The following ARHGAP42 variants were observed in gnomAD, a reference collection of about 807,000 sequenced individuals.
ARHGAP42 encodes the protein rho GTPase-activating protein 42.
A neutral mutation model predicts 125.0 loss-of-function variants in ARHGAP42; 63 were observed. The observed-to-expected ratio is 0.50, with a 90% CI of 0.41 to 0.62. The LOEUF (loss-of-function observed/expected upper bound fraction) is 0.62, where lower values mean the gene tolerates loss of function less well. ARHGAP42 is among the 20% of genes least tolerant of loss of function. ARHGAP42 has a pLI of 0.00. For missense variants in ARHGAP42, 766 were observed against 1,024.2 expected (o/e 0.75, Z 3.44); for synonymous variants, 339 against 351.0 (o/e 0.97, Z 0.38).
At chr11:100,729,371 A>G (rs1014248397) in intron 1 of ARHGAP42, among the ~76,000 whole-genome samples, 2 of 152,076 alleles carry the variant, frequency 1.3e-5, no homozygotes, top group African/African-American at 2.4e-5. Context: ...AAACCTGTAG[A>G]TCACAAAGTT....
At chr11:100,886,059 C>A (rs1160972756) in intron 4 of ARHGAP42, among the ~76,000 whole-genome samples, 1 of 152,126 alleles carries the variant, frequency 6.6e-6, no homozygotes, top group Non-Finnish European at 1.5e-5. Flanking sequence ...CCCTGAGAAG[C>A]CTATGGTCTA....
At chr11:100,901,976 C>T (rs1780337838) in intron 4 of ARHGAP42, among the ~76,000 whole-genome samples, 1 of 152,202 alleles carries the variant, frequency 6.6e-6, no homozygotes, top group African/African-American at 2.4e-5. Context: ...CAGAAATCAC[C>T]CATCTTCTGC....
In ARHGAP42 at chr11:100,991,584, G is replaced by A. The variant is rs1304546314; in HGVS notation, c.*2783G>A. On this transcript the variant is annotated 3_prime_UTR_variant, in exon 24 of 24. Coordinates refer to ENST00000298815, the MANE Select transcript of ARHGAP42 (RefSeq NM_152432.4). ...ATATCCCTCAGTACAAAACATTTGT[G>A]TGTTTCACAGATGACTCTCTTGTTT... 6.6e-6 allele frequency: 1 copy of A among 152,154 alleles called. No individual in the cohort carries two copies. The highest frequency in any genetic ancestry group is 1.5e-5 in the Non-Finnish European group (1 of 68,016). 9.4% of individuals were successfully genotyped at this position (152,154 alleles called of 1,614,324 possible).
At chr11:100,812,426 G>T (rs1864168415) in intron 3 of ARHGAP42, among the ~76,000 whole-genome samples, 1 of 152,188 alleles carries the variant, frequency 6.6e-6, no homozygotes, top group Non-Finnish European at 1.5e-5. Context: ...AAGAGCTTCT[G>T]CCTTCCAGTT....
At chr11:100,941,408 G>C (rs1388011599) in intron 8 of ARHGAP42, among the ~76,000 whole-genome samples, 3 of 152,196 alleles carry the variant, frequency 2.0e-5, no homozygotes, top group African/African-American at 4.8e-5. Flanking sequence ...ATTTCTGACA[G>C]TTATGAGAGT....
chr11:100,819,015 C>A (rs1361757570), intron 3 of ARHGAP42, among the ~76,000 whole-genome samples: 1 of 152,078 alleles, frequency 6.6e-6, no homozygotes, highest in Non-Finnish European at 1.5e-5. Flanking sequence ...AGAAACCAGG[C>A]TAAGGAGCTG....
intron 4 of ARHGAP42, among the ~76,000 whole-genome samples, chr11:100,901,946 A>T (rs947692452): frequency 6.6e-6 from 1 of 152,222 alleles, no homozygotes; most frequent in Non-Finnish European, 1.5e-5. Context: ...TCCCAATGAG[A>T]TGAACCAGGT....
chr11:100,826,280 G>C (rs936229141), intron 3 of ARHGAP42, among the ~76,000 whole-genome samples: 1 of 152,098 alleles, frequency 6.6e-6, no homozygotes, highest in Admixed American at 6.5e-5. Context: ...GCTATTGAAC[G>C]TATATGTTAT....
rs111415994 is a variant in ARHGAP42, at chr11:100,752,778, G to T, written c.155-17565G>T. ...GTTGTAATAGTAATGAACTTGTCCTGTGGACAGACTTAGGACCTTCTGGTT... is the reference window on the plus strand; with the variant it reads ...GTTGTAATAGTAATGAACTTGTCCTTTGGACAGACTTAGGACCTTCTGGTT... On this transcript the variant is annotated intron_variant, in intron 1 of 23. Coordinates refer to ENST00000298815, the MANE Select transcript of ARHGAP42 (RefSeq NM_152432.4). 6.8e-3 allele frequency among the ~76,000 whole-genome samples: 1,033 copies of T among 152,306 alleles called. 21 individuals are homozygous for T. Among genetic ancestry groups the T allele is most frequent in the African/African-American group, 0.023 (974 of 41,556 alleles).
chr11:100,818,985 T>C (rs1208768449), intron 3 of ARHGAP42, among the ~76,000 whole-genome samples: 1 of 151,910 alleles, frequency 6.6e-6, no homozygotes, highest in Admixed American at 6.6e-5. Context: ...GAAGAAAAAA[T>C]TTCATATAAT....
chr11:100,765,578 A>C (rs574217583), intron 1 of ARHGAP42, among the ~76,000 whole-genome samples: 4 of 152,164 alleles, frequency 2.6e-5, no homozygotes, highest in South Asian at 4.1e-4. Flanking sequence ...ATCAGGTAGT[A>C]GGTATTGTTG....
intron 3 of ARHGAP42, among the ~76,000 whole-genome samples, chr11:100,807,944 T>C (rs1864038182): frequency 6.6e-6 from 1 of 152,246 alleles, no homozygotes; most frequent in South Asian, 2.1e-4. Flanking sequence ...TTTGATGTTC[T>C]TCTTTGATAC....
chr11:100,868,982 T>G (rs1865638844), intron 4 of ARHGAP42, among the ~76,000 whole-genome samples: 1 of 152,112 alleles, frequency 6.6e-6, no homozygotes, highest in Non-Finnish European at 1.5e-5. Flanking sequence ...TCAGTGTAAC[T>G]AAAGTATCAT....
At chr11:100,747,966 T>C (rs1862342820) in intron 1 of ARHGAP42, among the ~76,000 whole-genome samples, 1 of 152,132 alleles carries the variant, frequency 6.6e-6, no homozygotes, top group Admixed American at 6.5e-5. Flanking sequence ...CCTTTTTACA[T>C]AAATTCTACC....
At chr11:100,926,670 G>A (rs984276196) in intron 6 of ARHGAP42, among the ~76,000 whole-genome samples, 4 of 152,134 alleles carry the variant, frequency 2.6e-5, no homozygotes, top group Non-Finnish European at 4.4e-5. Flanking sequence ...CAAAAATAAT[G>A]TGTAGTTCCC....
intron 4 of ARHGAP42, among the ~76,000 whole-genome samples, chr11:100,878,936 A>T (rs1865888850): frequency 6.6e-6 from 1 of 151,886 alleles, no homozygotes; most frequent in Non-Finnish European, 1.5e-5. Context: ...AACATCAGAA[A>T]AACTCTTCTA....
chr11:100,820,317 T>G (rs1864374289), intron 3 of ARHGAP42, among the ~76,000 whole-genome samples: 1 of 152,140 alleles, frequency 6.6e-6, no homozygotes, highest in Non-Finnish European at 1.5e-5. Context: ...TATAATGTTC[T>G]TAGGGTTTTT....
intron 19 of ARHGAP42, among the ~76,000 whole-genome samples, chr11:100,974,814 A>G (rs1239615918): frequency 6.6e-6 from 1 of 152,120 alleles, no homozygotes; most frequent in Admixed American, 6.6e-5. Context: ...AAAAAAAGAA[A>G]AAAGGGCTCA....
intron 1 of ARHGAP42, 31 bp downstream of exon 1, chr11:100,687,863 C>A (rs762288410): frequency 6.6e-7 from 1 of 1,522,140 alleles, no homozygotes. Flanking sequence ...AGTGGACACC[C>A]GCATCTGGAG....
Sources: gnomAD v4.1 joint callset for allele counts (sites outside exome capture counted in the v4.1 genomes callset) on GRCh38, gnomAD v4.1.1 for gene constraint, MANE v1.5 for transcripts, NCBI Gene and HGNC (gene_info 2026-07-23, HGNC 2026-07-21) for gene names.